Variants in GFER observed in about 807,000 individuals in gnomAD.
GFER encodes growth factor, augmenter of liver regeneration.
GFER carries 24 observed loss-of-function variants against 18.2 expected under a neutral mutation model. That is an observed-to-expected ratio of 1.32 (90% CI 0.96 to 1.86). The LOEUF is 1.86. GFER is among the 40% of genes most tolerant of loss of function. The pLI is 0.00. For missense variants in GFER, 316 were observed against 295.6 expected (o/e 1.07, Z -0.51); for synonymous variants, 138 against 126.9 (o/e 1.09, Z -0.59).
chr16:1,986,668 T>G lies in GFER; in HGVS notation c.*640T>G, dbSNP rs939412168. 6.0e-6 allele frequency: 1 copy of G among 166,312 alleles called. No individual in the cohort carries two copies. Among genetic ancestry groups the G allele is most frequent in the African/African-American group, 2.4e-5 (1 of 41,766 alleles). The allele number at this position is 166,312 out of a possible 1,614,324, so 10.3% of individuals were successfully genotyped here. On this transcript the variant is annotated 3_prime_UTR_variant, in exon 3 of 3. Coordinates refer to ENST00000248114, the MANE Select transcript of GFER (RefSeq NM_005262.3). ...TTGAAGCCCAAATGAAACGCTGAAG[T>G]GACTGAGAACCTGGCTTCAGTATAT...
At chr16:1,984,500 C>G (rs2083551471) in intron 1 of GFER, 24 bp downstream of exon 1, 2 of 1,552,070 alleles carry the variant, frequency 1.3e-6, no homozygotes, top group African/African-American at 2.7e-5. Context: ...CCCGATTTCT[C>G]CCAGCCCCGC....
chr16:1,984,936 A>G lies in GFER; in HGVS notation c.448A>G (p.Arg150Gly), dbSNP rs1275262355. 1 of 1,611,322 alleles carries G rather than the reference A, an allele frequency of 6.2e-7. No homozygotes were observed. Among genetic ancestry groups the G allele is most frequent in the Non-Finnish European group, 8.5e-7 (1 of 1,177,914 alleles). Residue 150 changes from arginine to glycine, a missense_variant, in exon 2 of 3, where the codon AGA becomes GGA. Physicochemically the swap from Arg to Gly is moderately radical, Grantham distance 125. Coordinates refer to ENST00000248114, the MANE Select transcript of GFER (RefSeq NM_005262.3). ...CTGTGAGGAGTGTGCTGAAGACCTA[A>G]GAAAAAGGTAAGATGTGTTTGCACG... ...YPCEECAEDLRKRLCRNHPDT... is the reference protein window; with the variant it reads ...YPCEECAEDLGKRLCRNHPDT...
chr16:1,984,667 C>T, intron 1 of GFER, 80 bp from the exon 2 acceptor site: 1 of 1,431,408 alleles, frequency 7.0e-7, no homozygotes, highest in Non-Finnish European at 9.7e-7. Flanking sequence ...CAGTGGGCCA[C>T]CGGCTGGGCC....
Position 1,984,198 on chromosome 16 carries a change from G to T in GFER, c.-21G>T, listed in dbSNP as rs1365519884. ...GCTCATCTGGAGGCCGAGCTGACCC[G>T]GCAGGCCTTGCGCGGGCAACATGGC... is the stretch of plus-strand genomic sequence containing the variant. On this transcript the variant is annotated 5_prime_UTR_variant, in exon 1 of 3. Transcript: ENST00000248114. 1.4e-6 allele frequency: 2 copies of T among 1,466,146 alleles called. No homozygotes were observed. Among genetic ancestry groups the T allele is most frequent in the South Asian group, 1.3e-5 (1 of 76,674 alleles). The allele number at this position is 1,466,146 out of a possible 1,614,324, so 90.8% of individuals were successfully genotyped here.
intron 2 of GFER, chr16:1,985,158 C>G: frequency 1.6e-6 from 1 of 617,844 alleles, no homozygotes; most frequent in South Asian, 1.9e-5. Flanking sequence ...GGGTACTGCT[C>G]CTGCCACAGC....
rs1256055497 is a variant in GFER, at chr16:1,984,259, A to C, written c.41A>C (p.Asn14Thr). Residue 14 changes from asparagine to threonine, a missense_variant, in exon 1 of 3, where the codon AAC becomes ACC. Transcript: ENST00000248114. ...GAGCGGGGCCGCTTCCACGGCGGGAACCTCTTCTTCCTGCCGGGGGGCGCG... is the reference window on the plus strand; with the variant it reads ...GAGCGGGGCCGCTTCCACGGCGGGACCCTCTTCTTCCTGCCGGGGGGCGCG... ...PGERGRFHGG[N>T]LFFLPGGARS... 2.0e-6 allele frequency: 3 copies of C among 1,478,576 alleles called. No individual in the cohort carries two copies. The highest frequency in any genetic ancestry group is 2.9e-5 in the African/African-American group (2 of 67,910). The allele number at this position is 1,478,576 out of a possible 1,614,324, so 91.6% of individuals were successfully genotyped here. A position where few individuals can be genotyped will look rare whatever the true frequency, so the allele number is the denominator to read the frequency against.
intron 2 of GFER, among the ~76,000 whole-genome samples, chr16:1,985,182 G>C (rs1421257030): frequency 6.6e-6 from 1 of 152,260 alleles, no homozygotes; most frequent in Admixed American, 6.5e-5. Context: ...AGGGCTTCCA[G>C]GAAGGGATTC....
Position 1,986,005 on chromosome 16 carries a change from T to C in GFER, c.595T>C (p.Trp199Arg). The C allele has an allele frequency of 6.2e-7, 1 of 1,612,846 alleles. No homozygotes were observed. Among genetic ancestry groups the C allele is most frequent in the Non-Finnish European group, 8.5e-7 (1 of 1,179,988 alleles). The change falls in exon 3 of 3, where the codon TGG becomes CGG. Residue 199 changes from tryptophan to arginine, a missense_variant. By Grantham distance (101) the Trp-to-Arg change is moderately radical. Coordinates refer to ENST00000248114, the MANE Select transcript of GFER (RefSeq NM_005262.3). ...SKVDERWRDGWKDGSCD is the reference protein window; with the variant it reads ...SKVDERWRDGRKDGSCD ...AGTGGATGAGCGCTGGCGCGACGGC[T>C]GGAAGGATGGCTCCTGTGACTAGAG...
Position 1,986,359 on chromosome 16 carries a change from A to C in GFER, c.*331A>C. The stretch of plus-strand genomic sequence containing the variant: ...CATACCCTGGCGCCTCACTCCTCAC[A>C]CGGGAAGACAGCGGGCCTGGCTGGG... On this transcript the variant is annotated 3_prime_UTR_variant, in exon 3 of 3. Transcript: ENST00000248114. 2.6e-6 allele frequency: 1 copy of C among 382,694 alleles called. No individual in the cohort carries two copies. The highest frequency in any genetic ancestry group is 5.1e-6 in the Non-Finnish European group (1 of 197,542). 23.7% of individuals were successfully genotyped at this position (382,694 alleles called of 1,614,324 possible). A position where few individuals can be genotyped will look rare whatever the true frequency, so the allele number is the denominator to read the frequency against.
rs1045761457 is a variant in GFER, at chr16:1,987,652, T to C, written c.*1624T>C. ...TTAGGAACATACCGCCTGTATCTGC[T>C]GTCCCTCCCCTGCCCCCCTGCCCCC... On this transcript the variant is annotated 3_prime_UTR_variant, in exon 3 of 3. Transcript: ENST00000248114. 3.9e-5 allele frequency: 6 copies of C among 152,004 alleles called. No homozygotes were observed. Among genetic ancestry groups the C allele is most frequent in the African/African-American group, 1.4e-4 (6 of 41,400 alleles). The allele number at this position is 152,004 out of a possible 1,614,324, so 9.4% of individuals were successfully genotyped here.
Position 1,986,115 on chromosome 16 carries a change from G to T in GFER, c.*87G>T, listed in dbSNP as rs1469376855. On this transcript the variant is annotated 3_prime_UTR_variant, in exon 3 of 3. Coordinates refer to ENST00000248114, the MANE Select transcript of GFER (RefSeq NM_005262.3). ...CTCATTAAAGTGCATCACAGCCAGAGCCTGTTGTGTCTCAGTTGGGTGGTC... is the reference window on the plus strand; with the variant it reads ...CTCATTAAAGTGCATCACAGCCAGATCCTGTTGTGTCTCAGTTGGGTGGTC... The T allele has an allele frequency of 1.1e-5, 15 of 1,384,848 alleles. No individual in the cohort carries two copies. The African/African-American group carries it at 2.0e-4, about 18-fold the overall frequency. The allele number at this position is 1,384,848 out of a possible 1,614,324, so 85.8% of individuals were successfully genotyped here.
chr16:1,987,001 GA>G lies in GFER; in HGVS notation c.*975del. On this transcript the variant is annotated 3_prime_UTR_variant, in exon 3 of 3. Coordinates refer to ENST00000248114, the MANE Select transcript of GFER (RefSeq NM_005262.3). Reference sequence around the variant, plus strand: ...GGATGGCATGGAGTGATGTGGCTTTGAAGGGTCCTCTGGCTGCTGAGCTGGG... The same window carrying G: ...GGATGGCATGGAGTGATGTGGCTTTGAGGGTCCTCTGGCTGCTGAGCTGGG... 1 of 152,566 alleles carries G rather than the reference GA, an allele frequency of 6.6e-6. No individual in the cohort carries two copies. The highest frequency in any genetic ancestry group is 1.5e-5 in the Non-Finnish European group (1 of 68,254). 9.5% of individuals were successfully genotyped at this position (152,566 alleles called of 1,614,324 possible). A position where few individuals can be genotyped will look rare whatever the true frequency, so the allele number is the denominator to read the frequency against.
chr16:1,985,089 T>C, intron 2 of GFER, 146 bp downstream of exon 2: 2 of 706,114 alleles, frequency 2.8e-6, no homozygotes, highest in South Asian at 3.0e-5. Flanking sequence ...AGGTGAGGAC[T>C]GGGGCTATCT....
In GFER at chr16:1,986,572, C is replaced by A. The variant is rs1162115350; in HGVS notation, c.*544C>A. On this transcript the variant is annotated 3_prime_UTR_variant, in exon 3 of 3. Coordinates refer to ENST00000248114, the MANE Select transcript of GFER (RefSeq NM_005262.3). ...CACCAGCCATCCTACCCTCTCCCTG[C>A]CTGGCACATGCCTGCCAGCGTTGTG... 5.1e-6 allele frequency: 1 copy of A among 196,622 alleles called. No individual in the cohort carries two copies. The highest frequency in any genetic ancestry group is 1.1e-5 in the Non-Finnish European group (1 of 93,314). The allele number at this position is 196,622 out of a possible 1,614,324, so 12.2% of individuals were successfully genotyped here.
At chr16:1,985,797 A>G (rs2083562986) in intron 2 of GFER, 69 bp from the exon 3 acceptor site, 1 of 1,386,882 alleles carries the variant, frequency 7.2e-7, no homozygotes, top group African/African-American at 1.4e-5. Flanking sequence ...CCTTGACAGC[A>G]GACAGGGAAC....
At position 1,984,962 on chromosome 16, in the gene GFER, C is replaced by T; in HGVS notation, c.455+19C>T. ...GAAAAAGGTAAGATGTGTTTGCACG[C>T]AGCAGAGCTTTGCACTGGAGCCTGG... On this transcript the variant is annotated intron_variant, in intron 2 of 2. Coordinates refer to ENST00000248114, the MANE Select transcript of GFER (RefSeq NM_005262.3). 1 of 1,586,662 alleles carries T rather than the reference C, an allele frequency of 6.3e-7. No homozygotes were observed. Among genetic ancestry groups the T allele is most frequent in the Non-Finnish European group, 8.7e-7 (1 of 1,155,896 alleles).
At chr16:1,985,297 C>T (rs2083558830) in intron 2 of GFER, among the ~76,000 whole-genome samples, 1 of 152,256 alleles carries the variant, frequency 6.6e-6, no homozygotes, top group Non-Finnish European at 1.5e-5. Flanking sequence ...TGGAAATCCA[C>T]TGCTTTTGCT....
intron 1 of GFER, 95 bp downstream of exon 1, chr16:1,984,571 C>G: frequency 6.9e-7 from 1 of 1,439,500 alleles, no homozygotes; most frequent in Non-Finnish European, 9.5e-7. Flanking sequence ...GTTGCCTGTC[C>G]CTGAACCTTG....
chr16:1,985,855 T>C lies in GFER; in HGVS notation c.456-11T>C. On this transcript the variant is annotated splice_polypyrimidine_tract_variant and intron_variant, in intron 2 of 2. Transcript: ENST00000248114. ...GCGTCCTCTCATTCTTTACCTGCTC[T>C]CCCTACACAGGCTGTGCAGGAACCA... The C allele has an allele frequency of 6.2e-7, 1 of 1,610,468 alleles. No homozygotes were observed. The highest frequency in any genetic ancestry group is 8.5e-7 in the Non-Finnish European group (1 of 1,179,294).
Sources: allele counts gnomAD v4.1 joint callset (sites outside exome capture counted in the v4.1 genomes callset), GRCh38; gene constraint gnomAD v4.1.1; transcripts MANE v1.5; gene names NCBI Gene and HGNC (gene_info 2026-07-23, HGNC 2026-07-21).